Variants in KIAA0586 observed in about 807,000 individuals in gnomAD.
KIAA0586 encodes the protein protein TALPID3.
In KIAA0586, 144 loss-of-function variants were observed where a neutral mutation model predicts 169.8. That is an observed-to-expected ratio of 0.85 (90% CI 0.74 to 0.97). KIAA0586 has a LOEUF of 0.97. Among genes scored for constraint, KIAA0586 ranks in the 50% least tolerant of loss-of-function variants. The pLI, the probability that KIAA0586 is intolerant of heterozygous loss-of-function variation, is 0.00. For missense variants in KIAA0586, 1,854 were observed against 1,823.0 expected (o/e 1.02, Z -0.31); for synonymous variants, 625 against 612.4 (o/e 1.02, Z -0.30).
chr14:58,538,720 C>A (rs1026736522), intron 29 of KIAA0586, among the ~76,000 whole-genome samples: 1 of 151,488 alleles, frequency 6.6e-6, no homozygotes, highest in African/African-American at 2.4e-5. Context: ...ACTTCCCTTC[C>A]GCTCTCACTA....
In KIAA0586 at chr14:58,504,461, T is replaced by A. The variant is rs573456983; in HGVS notation, c.4169-4094T>A. ...TTGAATGGGGTTTATACATACTGAA[T>A]TTGTGATGCCTTTGACTTTCATACA... On this transcript the variant is annotated intron_variant, in intron 27 of 30. Transcript: ENST00000652326. Among the ~76,000 whole-genome samples, 31 of 152,260 alleles carry A rather than the reference T, an allele frequency of 2.0e-4. 1 individual carries two copies. The highest frequency in any genetic ancestry group is 6.8e-3 in the Middle Eastern group (2 of 294).
chr14:58,528,723 C>G (rs536491828), intron 29 of KIAA0586, among the ~76,000 whole-genome samples: 1 of 152,222 alleles, frequency 6.6e-6, no homozygotes, highest in African/African-American at 2.4e-5. Flanking sequence ...AGGGAAATTT[C>G]TAACACTAAA....
chr14:58,438,069 G>A (rs1381589921), intron 4 of KIAA0586, among the ~76,000 whole-genome samples: 1 of 152,160 alleles, frequency 6.6e-6, no homozygotes, highest in Non-Finnish European at 1.5e-5. Context: ...AATTGAGCAA[G>A]CAGGATTCTT....
rs1032548794 is a variant in KIAA0586 at position 58,549,149 on chromosome 14, T to C, written c.*1217T>C. On this transcript the variant is annotated 3_prime_UTR_variant, in exon 31 of 31. Coordinates refer to ENST00000652326, the MANE Select transcript of KIAA0586 (RefSeq NM_001329943.3). ...TACCTCCCAGAAAAATCATTTTCTG[T>C]CACAACTGAATTTCAAACACACAGT... 7 of 152,156 alleles carry C rather than the reference T, an allele frequency of 4.6e-5. No homozygotes were observed. Among genetic ancestry groups the C allele is most frequent in the African/African-American group, 1.7e-4 (7 of 41,420 alleles). 9.4% of individuals were successfully genotyped at this position (152,156 alleles called of 1,614,324 possible). A position where few individuals can be genotyped will look rare whatever the true frequency, so the allele number is the denominator to read the frequency against.
At chr14:58,436,963 A>G (rs1381880620) in intron 4 of KIAA0586, among the ~76,000 whole-genome samples, 1 of 152,232 alleles carries the variant, frequency 6.6e-6, no homozygotes. Context: ...TTAATATAAG[A>G]TAAATGGCAA....
At chr14:58,440,249 T>C in intron 4 of KIAA0586, 1 of 430,556 alleles carries the variant, frequency 2.3e-6, no homozygotes, top group East Asian at 7.8e-5. Flanking sequence ...CCTTTCTTTC[T>C]GTCTTGCTTT....
At chr14:58,557,584 G>T in the KIAA0586 span, among the ~76,000 whole-genome samples, 3 of 152,144 alleles carry the variant, frequency 2.0e-5, no homozygotes, top group African/African-American at 7.2e-5. Context: ...AGAGATTTCA[G>T]AGAGCCAATA....
intron 26 of KIAA0586, among the ~76,000 whole-genome samples, chr14:58,494,040 C>T (rs1015413051): frequency 1.3e-5 from 2 of 151,986 alleles, no homozygotes; most frequent in Non-Finnish European, 2.9e-5. Flanking sequence ...TTTATTCGTG[C>T]AATTGTATCA....
At chr14:58,531,039 A>G (rs1284600476) in intron 29 of KIAA0586, among the ~76,000 whole-genome samples, 1 of 152,056 alleles carries the variant, frequency 6.6e-6, no homozygotes, top group Admixed American at 6.6e-5. Context: ...GGCCGGGTGC[A>G]GTGGCTCACG....
intron 29 of KIAA0586, among the ~76,000 whole-genome samples, chr14:58,520,468 T>G (rs533901887): frequency 1.3e-5 from 2 of 152,232 alleles, no homozygotes; most frequent in Non-Finnish European, 2.9e-5. Flanking sequence ...TCTTTTTGGC[T>G]TCTTTCACTT....
chr14:58,445,685 T>C lies in KIAA0586; in HGVS notation c.807+1510T>C, dbSNP rs1296225344. Among the ~76,000 whole-genome samples, 14 of 151,630 alleles carry C rather than the reference T, an allele frequency of 9.2e-5. No individual in the cohort carries two copies. In the South Asian group the frequency reaches 2.7e-3, roughly 29 times the overall value. ...TTGGCCTCAAGTGATCCACCCATCA[T>C]GGCCTCCCAAAGTGCTGGAATTACA... On this transcript the variant is annotated intron_variant, in intron 6 of 30. Coordinates refer to ENST00000652326, the MANE Select transcript of KIAA0586 (RefSeq NM_001329943.3).
chr14:58,522,998 T>A (rs1260972757), intron 29 of KIAA0586, among the ~76,000 whole-genome samples: 2 of 152,130 alleles, frequency 1.3e-5, no homozygotes. Context: ...GGATTTATAC[T>A]TTTTATTTAA....
chr14:58,545,624 T>C (rs539674266), intron 30 of KIAA0586, among the ~76,000 whole-genome samples: 2 of 152,350 alleles, frequency 1.3e-5, no homozygotes, highest in South Asian at 4.1e-4. Context: ...AGCTCTGATA[T>C]TGGCTGCTTC....
intron 29 of KIAA0586, among the ~76,000 whole-genome samples, chr14:58,516,231 C>G (rs1217700859): frequency 6.6e-6 from 1 of 152,206 alleles, no homozygotes; most frequent in Non-Finnish European, 1.5e-5. Flanking sequence ...GGCAGAGAGT[C>G]TCTCTCACTG....
intron 29 of KIAA0586, among the ~76,000 whole-genome samples, chr14:58,534,442 A>G (rs1337141772): frequency 4.6e-5 from 7 of 152,220 alleles, no homozygotes; most frequent in African/African-American, 1.7e-4. Flanking sequence ...CAAAGAAAGG[A>G]ATTAAATGTG....
chr14:58,531,326 C>CAAAA (rs1025870057), intron 29 of KIAA0586, among the ~76,000 whole-genome samples: 3 of 96,158 alleles, frequency 3.1e-5, no homozygotes, highest in Middle Eastern at 5.4e-3. Context: ...GACTCCGTCT[C>CAAAA]AAAAAAAAAA....
chr14:58,475,928 C>T (rs1264867640), intron 19 of KIAA0586, among the ~76,000 whole-genome samples: 6 of 151,988 alleles, frequency 3.9e-5, no homozygotes, highest in Non-Finnish European at 7.4e-5. Flanking sequence ...GATGAAACCC[C>T]GTCACTACTG....
intron 3 of KIAA0586, 39 bp from the exon 4 acceptor site, chr14:58,432,349 C>T: frequency 8.3e-7 from 1 of 1,203,808 alleles, no homozygotes. Context: ...AATAAATATT[C>T]AGGAATTTAA....
At chr14:58,472,996 AT>A (rs2041343922) in intron 18 of KIAA0586, among the ~76,000 whole-genome samples, 1 of 146,226 alleles carries the variant, frequency 6.8e-6, no homozygotes, top group Admixed American at 7.1e-5. Context: ...CAGGGACCTT[AT>A]TTATTTTTAT....
Sources: allele counts gnomAD v4.1 joint callset (sites outside exome capture counted in the v4.1 genomes callset), GRCh38; gene constraint gnomAD v4.1.1; transcripts MANE v1.5; gene names NCBI Gene and HGNC (gene_info 2026-07-23, HGNC 2026-07-21).